The following LIMS1 variants were observed in gnomAD, a reference collection of about 807,000 sequenced individuals.
LIMS1 encodes the protein LIM zinc finger domain containing 1, also known as LIM and senescent cell antigen-like-containing domain protein 1.
A neutral mutation model predicts 44.1 loss-of-function variants in LIMS1; 18 were observed. That is an observed-to-expected ratio of 0.41 (90% CI 0.28 to 0.61). LIMS1 has a LOEUF of 0.61. Among genes scored for constraint, LIMS1 ranks in the 20% least tolerant of loss-of-function variants. The pLI is 0.32. For missense variants in LIMS1, 201 were observed against 422.0 expected (o/e 0.48, Z 4.59); for synonymous variants, 93 against 149.1 (o/e 0.62, Z 2.74).
intron 1 of LIMS1, among the ~76,000 whole-genome samples, chr2:108,540,812 C>A (rs1684291608): frequency 2.0e-5 from 3 of 152,270 alleles, no homozygotes; most frequent in African/African-American, 7.2e-5. Context: ...AGGAATACAG[C>A]CCAAGATGTG....
At chr2:108,620,640 G>A (rs946633831) in intron 1 of LIMS1, among the ~76,000 whole-genome samples, 2 of 152,164 alleles carry the variant, frequency 1.3e-5, no homozygotes, top group Non-Finnish European at 2.9e-5. Context: ...TGTGTCAGCC[G>A]GGGTGGCCTT....
Position 108,567,017 on chromosome 2 carries a change from A to G in LIMS1, c.32+32423A>G, listed in dbSNP as rs538271686. 6.6e-5 allele frequency among the ~76,000 whole-genome samples: 10 copies of G among 152,108 alleles called. No homozygotes were observed. In the East Asian group the frequency reaches 1.5e-3, roughly 23 times the overall value. ...GAAACTCTATATCCATTGAATAGCA[A>G]CTCCTGCTTTATCCCCAGCTCCTGG... On this transcript the variant is annotated intron_variant, in intron 1 of 9. Coordinates refer to ENST00000544547, the Ensembl canonical transcript of LIMS1.
At chr2:108,631,566 T>G (rs796505505) in intron 1 of LIMS1, among the ~76,000 whole-genome samples, 14 of 145,202 alleles carry the variant, frequency 9.6e-5, no homozygotes, top group African/African-American at 3.5e-4. Flanking sequence ...TTTTTTTTTC[T>G]AAGACATCTG....
intron 5 of LIMS1, 193 bp downstream of exon 5, chr2:108,673,222 A>G (rs1458120085): frequency 9.9e-6 from 8 of 806,610 alleles, no homozygotes; most frequent in Middle Eastern, 3.7e-4. Flanking sequence ...ACCAGTTGAC[A>G]TTTTGCCATG....
chr2:108,609,532 C>T (rs79536764), intron 1 of LIMS1, among the ~76,000 whole-genome samples: 3,822 of 152,322 alleles, frequency 0.025, 103 homozygotes, highest in African/African-American at 0.064. Flanking sequence ...ACTTCTCCAC[C>T]TTCCCATGCC....
At chr2:108,642,638 C>T (rs1366211128) in intron 1 of LIMS1, among the ~76,000 whole-genome samples, 2 of 152,014 alleles carry the variant, frequency 1.3e-5, no homozygotes, top group Admixed American at 1.3e-4. Context: ...GGATTACAGG[C>T]GTGAGCCACC....
chr2:108,643,795 A>G (rs746709331), intron 1 of LIMS1, among the ~76,000 whole-genome samples: 12 of 152,312 alleles, frequency 7.9e-5, no homozygotes, highest in Admixed American at 1.3e-4. Flanking sequence ...AGTATAGCAG[A>G]CTGAGCTCGA....
Position 108,582,868 on chromosome 2 carries a change from G to A in LIMS1, c.32+48274G>A, listed in dbSNP as rs182167193. 4.7e-4 allele frequency among the ~76,000 whole-genome samples: 71 copies of A among 152,280 alleles called. 1 individual carries two copies. The highest frequency in any genetic ancestry group is 7.7e-4 in the East Asian group (4 of 5,184). On this transcript the variant is annotated intron_variant, in intron 1 of 9. Transcript: ENST00000544547. ...GGAATGCCATGAAATTATAAATTGA[G>A]TGAAGGATGAAATTTGCTTGGACTT...
At chr2:108,549,078 C>A (rs1007708214) in intron 1 of LIMS1, among the ~76,000 whole-genome samples, 1 of 152,054 alleles carries the variant, frequency 6.6e-6, no homozygotes, top group African/African-American at 2.4e-5. Context: ...TGGGACAGTG[C>A]ATTGCATATA....
rs1687778612 is a variant in LIMS1 at position 108,613,669 on chromosome 2, G to A, written c.33-45936G>A. ...AGAGAGGGGTCCTCAGCAAACAGGTGGGATCTTGTCAGTACCCTGCTTAAG... is the reference window on the plus strand; with the variant it reads ...AGAGAGGGGTCCTCAGCAAACAGGTAGGATCTTGTCAGTACCCTGCTTAAG... On this transcript the variant is annotated intron_variant, in intron 1 of 9. Coordinates refer to ENST00000544547, the Ensembl canonical transcript of LIMS1. Among the ~76,000 whole-genome samples the A allele has an allele frequency of 2.0e-5, 3 of 152,150 alleles. No homozygotes were observed. In the South Asian group the frequency reaches 6.2e-4, roughly 32 times the overall value.
intron 1 of LIMS1, among the ~76,000 whole-genome samples, chr2:108,582,624 T>C (rs1259727084): frequency 6.6e-6 from 1 of 151,978 alleles, no homozygotes; most frequent in Non-Finnish European, 1.5e-5. Flanking sequence ...GAAAATTTGC[T>C]AGGTGTGGTG....
chr2:108,662,391 C>T (rs779771488), intron 2 of LIMS1: 129 of 1,565,460 alleles, frequency 8.2e-5, no homozygotes, highest in Middle Eastern at 2.3e-4. Flanking sequence ...TGACTCATCT[C>T]GTCCTGCCCA....
chr2:108,675,421 A>G (rs1692470813), intron 5 of LIMS1, among the ~76,000 whole-genome samples: 1 of 142,062 alleles, frequency 7.0e-6, no homozygotes, highest in African/African-American at 2.5e-5. Flanking sequence ...GTGAGGGCAG[A>G]GCCTTCATGA....
At chr2:108,668,572 G>A (rs1429181006) in intron 2 of LIMS1, among the ~76,000 whole-genome samples, 2 of 152,120 alleles carry the variant, frequency 1.3e-5, no homozygotes, top group African/African-American at 2.4e-5. Context: ...AGAGTACTCC[G>A]CTGGGTATAT....
At chr2:108,681,215 C>A in intron 9 of LIMS1, 2 of 1,252,274 alleles carry the variant, frequency 1.6e-6, no homozygotes, top group Admixed American at 3.8e-5. Flanking sequence ...TTTCTTCCCC[C>A]CCTGCAACTT....
intron 2 of LIMS1, among the ~76,000 whole-genome samples, chr2:108,669,173 A>G (rs1691990075): frequency 6.6e-6 from 1 of 152,160 alleles, no homozygotes; most frequent in Non-Finnish European, 1.5e-5. Flanking sequence ...TTGGGAGGCC[A>G]AAGGCGGGAG....
At chr2:108,619,048 C>T (rs1486374477) in intron 1 of LIMS1, among the ~76,000 whole-genome samples, 4 of 152,088 alleles carry the variant, frequency 2.6e-5, no homozygotes, top group South Asian at 2.1e-4. Flanking sequence ...CCCGCCCCGT[C>T]TAACCCCCTG....
intron 1 of LIMS1, among the ~76,000 whole-genome samples, chr2:108,605,249 A>T (rs1344729187): frequency 6.6e-6 from 1 of 152,208 alleles, no homozygotes; most frequent in African/African-American, 2.4e-5. Context: ...GCATTGGTCC[A>T]TGTGGTACAC....
At chr2:108,578,008 C>T (rs964341291) in intron 1 of LIMS1, among the ~76,000 whole-genome samples, 3 of 152,194 alleles carry the variant, frequency 2.0e-5, no homozygotes, top group African/African-American at 2.4e-5. Flanking sequence ...CTCCCAGGTT[C>T]AAGTGATTCT....
Sources: allele counts gnomAD v4.1 joint callset (sites outside exome capture counted in the v4.1 genomes callset), GRCh38; gene constraint gnomAD v4.1.1; transcripts MANE v1.5; gene names NCBI Gene and HGNC (gene_info 2026-07-23, HGNC 2026-07-21).